The following COLGALT1 variants were observed in gnomAD, a reference collection of about 807,000 sequenced individuals.
The protein encoded by COLGALT1 is procollagen galactosyltransferase 1.
In COLGALT1, 43 loss-of-function variants were observed where a neutral mutation model predicts 60.8. The observed-to-expected ratio is 0.71, with a 90% CI of 0.55 to 0.91. The LOEUF (loss-of-function observed/expected upper bound fraction) is 0.91. Among genes scored for constraint, COLGALT1 ranks in the 40% least tolerant of loss-of-function variants. The pLI is 0.00. For missense variants in COLGALT1, 845 were observed against 880.0 expected (o/e 0.96, Z 0.50); for synonymous variants, 369 against 374.2 (o/e 0.99, Z 0.16).
intron 6 of COLGALT1, among the ~76,000 whole-genome samples, chr19:17,575,272 G>T (rs1314651808): frequency 2.0e-5 from 3 of 152,078 alleles, no homozygotes; most frequent in Non-Finnish European, 4.4e-5. Flanking sequence ...TTGAGACGGA[G>T]TCTCGCTCTG....
chr19:17,580,935 G>A, intron 11 of COLGALT1, 30 bp downstream of exon 11: 1 of 1,611,120 alleles, frequency 6.2e-7, no homozygotes, highest in Non-Finnish European at 8.5e-7. Context: ...GCTGGGCTGG[G>A]GTTTCACGGT....
chr19:17,571,156 GC>G (rs1800182145), intron 5 of COLGALT1, among the ~76,000 whole-genome samples: 1 of 152,116 alleles, frequency 6.6e-6, no homozygotes, highest in South Asian at 2.1e-4. Flanking sequence ...AGTGGCTCAT[GC>G]CTGTAATCCC....
intron 3 of COLGALT1, among the ~76,000 whole-genome samples, chr19:17,563,628 C>T (rs1179641805): frequency 1.3e-5 from 2 of 152,082 alleles, no homozygotes; most frequent in Non-Finnish European, 2.9e-5. Context: ...GGATTACAGG[C>T]GTGAGCCAGC....
At chr19:17,558,716 G>C (rs1219698923) in intron 1 of COLGALT1, among the ~76,000 whole-genome samples, 1 of 151,844 alleles carries the variant, frequency 6.6e-6, no homozygotes, top group Non-Finnish European at 1.5e-5. Context: ...ATTTGTTAGT[G>C]AATGTGGTTT....
intron 1 of COLGALT1, among the ~76,000 whole-genome samples, chr19:17,558,311 G>A (rs147675061): frequency 0.06 from 9,055 of 150,224 alleles, 837 homozygotes; most frequent in African/African-American, 0.21. Flanking sequence ...CTGACCTCAG[G>A]TGATACACCC....
At position 17,567,515 on chromosome 19, in the gene COLGALT1, A is replaced by G. The variant is rs1053205642; in HGVS notation, c.599A>G (p.Asn200Ser). 11 of 1,613,382 alleles carry G rather than the reference A, an allele frequency of 6.8e-6. No individual in the cohort carries two copies. Among genetic ancestry groups the G allele is most frequent in the African/African-American group, 4.0e-5 (3 of 74,888 alleles). ...CTGGATTCCCGGGCTGCGTACTCCA[A>G]CTTCTGGTGTGGAATGACTTCCCAG... ...PMLDSRAAYSNFWCGMTSQGY... is the reference protein window; with the variant it reads ...PMLDSRAAYSSFWCGMTSQGY... Residue 200 changes from asparagine to serine, a missense_variant, in exon 4 of 12, where the codon AAC becomes AGC. Physicochemically the swap from Asn to Ser is conservative, Grantham distance 46. Transcript: ENST00000252599.
At chr19:17,563,278 C>T (rs949129113) in intron 3 of COLGALT1, among the ~76,000 whole-genome samples, 16 of 150,226 alleles carry the variant, frequency 1.1e-4, no homozygotes, top group African/African-American at 3.7e-4. Flanking sequence ...GCAGCCTCCA[C>T]CTCCTGGGGT....
rs2076205628 is a variant in COLGALT1 at position 17,555,705 on chromosome 19, C to T, written c.-9C>T. On this transcript the variant is annotated 5_prime_UTR_variant, in exon 1 of 12. Coordinates refer to ENST00000252599, the MANE Select transcript of COLGALT1 (RefSeq NM_024656.4). ...GCAGAAAAACGACTTAAAGGAGACG[C>T]GTGGCGCGATGGCGGCGGCCCCACG... The T allele has an allele frequency of 8.4e-7, 1 of 1,185,754 alleles. No individual in the cohort carries two copies. The allele number at this position is 1,185,754 out of a possible 1,614,324, so 73.5% of individuals were successfully genotyped here. A position where few individuals can be genotyped will look rare whatever the true frequency, so the allele number is the denominator to read the frequency against.
At position 17,580,691 on chromosome 19, in the gene COLGALT1, C is replaced by A. The variant is rs1568482856; in HGVS notation, c.1395-8C>A. 6.2e-7 allele frequency: 1 copy of A among 1,613,776 alleles called. No homozygotes were observed. The highest frequency in any genetic ancestry group is 2.2e-5 in the East Asian group (1 of 44,878). ...GAGGAGAGTGACAGGCCCGATCTTG[C>A]ACCCCAGCTATGTGGGCCGGAAGCG... On this transcript the variant is annotated splice_polypyrimidine_tract_variant and splice_region_variant and intron_variant, in intron 10 of 11. Transcript: ENST00000252599.
chr19:17,558,899 C>G (rs937831071), intron 1 of COLGALT1, among the ~76,000 whole-genome samples: 1 of 151,974 alleles, frequency 6.6e-6, no homozygotes, highest in Non-Finnish European at 1.5e-5. Flanking sequence ...GTGGCTCACG[C>G]TTGTTAAGTC....
Position 17,559,349 on chromosome 19 carries a change from T to C in COLGALT1, c.299T>C (p.Val100Ala), listed in dbSNP as rs2076234516. 1.9e-6 allele frequency: 3 copies of C among 1,552,772 alleles called. No individual in the cohort carries two copies. The highest frequency in any genetic ancestry group is 2.6e-6 in the Non-Finnish European group (3 of 1,147,598). Residue 100 changes from valine (V) to alanine (A), a missense_variant, in exon 2 of 12, where the codon GTG (valine) becomes GCG (alanine). By Grantham distance (64) the Val-to-Ala change is moderately conservative. Transcript: ENST00000252599. Reference protein sequence around the residue: ...TDHNMDNTSTVLREWLVAVKS... With the variant: ...TDHNMDNTSTALREWLVAVKS... Reference sequence around the variant, plus strand: ...CACAACATGGATAACACGTCAACTGTGCTGCGGGAGTGGCTGGTGGCCGTG... The same window carrying C: ...CACAACATGGATAACACGTCAACTGCGCTGCGGGAGTGGCTGGTGGCCGTG...
chr19:17,560,219 C>A, intron 2 of COLGALT1, 129 bp from the exon 3 acceptor site: 1 of 655,848 alleles, frequency 1.5e-6, no homozygotes. Context: ...TACTTTTTCC[C>A]ATCCCTCAGA....
At chr19:17,570,017 T>C (rs1468269900) in intron 5 of COLGALT1, among the ~76,000 whole-genome samples, 2 of 149,556 alleles carry the variant, frequency 1.3e-5, no homozygotes, top group African/African-American at 4.9e-5. Context: ...GCCTCAGCTT[T>C]CCGCGTAGCT....
chr19:17,575,691 T>G (rs1208420862), intron 6 of COLGALT1, among the ~76,000 whole-genome samples: 1 of 151,976 alleles, frequency 6.6e-6, no homozygotes, highest in African/African-American at 2.4e-5. Flanking sequence ...CTTTTTTGCT[T>G]TTTTTGGAGA....
intron 5 of COLGALT1, among the ~76,000 whole-genome samples, chr19:17,569,205 C>T (rs2076297667): frequency 1.3e-5 from 2 of 151,852 alleles, no homozygotes; most frequent in African/African-American, 2.4e-5. Context: ...AAGTAAGAAT[C>T]CTTCTCAAGA....
intron 2 of COLGALT1, among the ~76,000 whole-genome samples, 199 bp downstream of exon 2, chr19:17,559,620 G>A (rs897270989): frequency 1.5e-4 from 23 of 152,084 alleles, no homozygotes; most frequent in Admixed American, 1.2e-3. Context: ...TGCCCAAGCC[G>A]TTCCCTGTAC....
intron 3 of COLGALT1, among the ~76,000 whole-genome samples, chr19:17,567,082 T>G (rs977448554): frequency 1.3e-5 from 2 of 151,988 alleles, no homozygotes; most frequent in African/African-American, 4.8e-5. Flanking sequence ...ACCACTGCAC[T>G]CCAGCCTGGG....
chr19:17,580,864 T>C lies in COLGALT1; in HGVS notation c.1560T>C (p.Pro520=). 6.2e-7 allele frequency: 1 copy of C among 1,613,950 alleles called. No homozygotes were observed. The highest frequency in any genetic ancestry group is 8.5e-7 in the Non-Finnish European group (1 of 1,180,002). ...LAAEPLSKML[P]VDEFLPVMFD... is the part of the protein sequence containing the mutation. ...CTGAGCCGCTCTCCAAGATGCTGCC[T>C]GTGGACGAGTTCCTGCCCGTCATGT... Residue 520 remains proline (P), a synonymous_variant, in exon 11 of 12, where the codon CCT becomes CCC. Transcript: ENST00000252599.
intron 6 of COLGALT1, among the ~76,000 whole-genome samples, chr19:17,573,021 G>A (rs1203626339): frequency 6.6e-6 from 1 of 152,148 alleles, no homozygotes; most frequent in Non-Finnish European, 1.5e-5. Context: ...CCAGGCTGAG[G>A]AAGGGACCTT....
Sources: gnomAD v4.1 joint callset for allele counts (sites outside exome capture counted in the v4.1 genomes callset) on GRCh38, gnomAD v4.1.1 for gene constraint, MANE v1.5 for transcripts, NCBI Gene and HGNC (gene_info 2026-07-23, HGNC 2026-07-21) for gene names.